FAM131C: variants seen among roughly 807,000 people sequenced by gnomAD.
FAM131C encodes protein FAM131C.
Under a neutral mutation model 29.8 loss-of-function variants are expected in FAM131C, and 14 were observed. The ratio of observed to expected loss-of-function variants is 0.47; its 90% CI spans 0.31 to 0.73. FAM131C has a LOEUF of 0.73. Ranked by LOEUF, FAM131C falls within the 30% of genes least tolerant of loss-of-function variation. The probability of loss-of-function intolerance (pLI) is 0.05; values close to 1 mark genes in which losing one functional copy is unlikely to be tolerated. For synonymous variants in FAM131C, 86 were observed against 157.8 expected (o/e 0.54, Z 3.41); for missense variants, 252 against 383.8 (o/e 0.66, Z 2.87).
At chr1:16,063,485 G>A (rs1480839783) in intron 2 of FAM131C, 36 bp downstream of exon 2, 11 of 1,509,498 alleles carry the variant, frequency 7.3e-6, no homozygotes, top group Non-Finnish European at 2.8e-6. Context: ...GGGAACCGGG[G>A]CGCAGGTAGC....
chr1:16,068,986 G>A (rs2023717193), intron 1 of FAM131C, among the ~76,000 whole-genome samples: 1 of 152,202 alleles, frequency 6.6e-6, no homozygotes, highest in African/African-American at 2.4e-5. Flanking sequence ...GTCAGGTACT[G>A]TCTGTCCTAG....
chr1:16,059,276 C>T (rs1390350277), intron 6 of FAM131C, among the ~76,000 whole-genome samples: 3 of 150,792 alleles, frequency 2.0e-5, no homozygotes, highest in African/African-American at 7.3e-5. Flanking sequence ...GGTAAGCGCT[C>T]GATTCCCGCC....
At chr1:16,058,982 TCCCCTC>T (rs2023541032) in intron 6 of FAM131C, among the ~76,000 whole-genome samples, 1 of 152,092 alleles carries the variant, frequency 6.6e-6, no homozygotes, top group African/African-American at 2.4e-5. Context: ...TGGGCCTCTG[TCCCCTC>T]CCCGTCCCTC....
chr1:16,066,757 T>C (rs1199512298), intron 1 of FAM131C, among the ~76,000 whole-genome samples: 2 of 152,324 alleles, frequency 1.3e-5, no homozygotes, highest in East Asian at 3.9e-4. Context: ...AAATTTTCTC[T>C]GTGTGTATTC....
intron 1 of FAM131C, among the ~76,000 whole-genome samples, chr1:16,071,874 C>T (rs2023753623): frequency 6.6e-6 from 1 of 152,212 alleles, no homozygotes; most frequent in Non-Finnish European, 1.5e-5. Context: ...GCTCAAAGGC[C>T]AGTCCTTCTG....
At chr1:16,072,856 T>C (rs564808454) in intron 1 of FAM131C, among the ~76,000 whole-genome samples, 1 of 151,282 alleles carries the variant, frequency 6.6e-6, no homozygotes, top group Admixed American at 6.6e-5. Flanking sequence ...TTCTGTCCCC[T>C]GTCCAAGGAT....
Position 16,058,372 on chromosome 1 carries a change from T to C in FAM131C, c.*65A>G. 1 of 1,404,278 alleles carries C rather than the reference T, an allele frequency of 7.1e-7. No individual in the cohort carries two copies. The highest frequency in any genetic ancestry group is 9.4e-7 in the Non-Finnish European group (1 of 1,062,752). The allele number at this position is 1,404,278 out of a possible 1,614,324, so 87.0% of individuals were successfully genotyped here. ...TGCCCTGGACCCCGGGGTCCAGATA[T>C]GCCTGGGCTGCCCACCAGGCGAGGT... On this transcript the variant is annotated 3_prime_UTR_variant, in exon 7 of 7. Transcript: ENST00000375662.
intron 3 of FAM131C, 32 bp downstream of exon 3, chr1:16,062,467 C>T (rs184646734): frequency 2.0e-5 from 31 of 1,544,898 alleles, no homozygotes; most frequent in African/African-American, 2.9e-5. Context: ...CAGCTGGGGC[C>T]GGCTAGAATG....
intron 1 of FAM131C, among the ~76,000 whole-genome samples, chr1:16,069,380 A>G (rs1048218559): frequency 6.6e-6 from 1 of 152,114 alleles, no homozygotes; most frequent in African/African-American, 2.4e-5. Flanking sequence ...CTTGGAAACT[A>G]TGGGTGGCTC....
rs550521905 is a variant in FAM131C at position 16,063,706 on chromosome 1, G to GC, written c.23-71dup. On this transcript the variant is annotated intron_variant, in intron 1 of 6. Transcript: ENST00000375662. Reference sequence around the variant, plus strand: ...CTCTTGCTTACAAAGCATGTTCAAGGCCCCCCCGTAAGGTGAGTATGGCCT... The same window carrying GC: ...CTCTTGCTTACAAAGCATGTTCAAGGCCCCCCCCGTAAGGTGAGTATGGCCT... 729 of 1,069,790 alleles carry GC rather than the reference G, an allele frequency of 6.8e-4. 9 individuals are homozygous for GC. In the South Asian group the frequency reaches 1.0e-2, roughly 15 times the overall value. The allele number at this position is 1,069,790 out of a possible 1,614,324, so 66.3% of individuals were successfully genotyped here.
chr1:16,071,761 G>A (rs1031829032), intron 1 of FAM131C, among the ~76,000 whole-genome samples: 1 of 152,196 alleles, frequency 6.6e-6, no homozygotes, highest in African/African-American at 2.4e-5. Context: ...GGTGGAGGGA[G>A]CCCCAGGTGT....
At position 16,058,440 on chromosome 1, in the gene FAM131C, G is replaced by C; in HGVS notation, c.840C>G (p.Asn280Lys). 1 of 1,467,842 alleles carries C rather than the reference G, an allele frequency of 6.8e-7. No individual in the cohort carries two copies. The highest frequency in any genetic ancestry group is 1.5e-5 in the South Asian group (1 of 68,948). The allele number at this position is 1,467,842 out of a possible 1,614,324, so 90.9% of individuals were successfully genotyped here. A position where few individuals can be genotyped will look rare whatever the true frequency, so the allele number is the denominator to read the frequency against. ...CTGGACCAGCACAGCCCCCACCTCA[G>C]TTATAGAACACCTCGTCCTCCTCCC... is the stretch of plus-strand genomic sequence containing the variant. Reference protein sequence around the residue: ...SLWEEDEVFYN With the variant: ...SLWEEDEVFYK The change falls in exon 7 of 7, where the codon AAC (asparagine) becomes AAG (lysine). Residue 280 changes from asparagine to lysine, a missense_variant. By Grantham distance (94) the Asn-to-Lys change is moderately conservative (BLOSUM62 0). This residue lies in a region of FAM131C where 42 missense variants were observed against 51.7 expected (regional missense o/e 0.81). Transcript: ENST00000375662.
intron 2 of FAM131C, among the ~76,000 whole-genome samples, chr1:16,063,208 T>C (rs56809328): frequency 0.11 from 15,852 of 150,284 alleles, 1,595 homozygotes; most frequent in African/African-American, 0.26. Context: ...ACATAACATA[T>C]ATAAAATTTG....
rs372657950 is a variant in FAM131C at position 16,060,011 on chromosome 1, C to T, written c.309G>A (p.Thr103=). 53 of 1,528,804 alleles carry T rather than the reference C, an allele frequency of 3.5e-5. No homozygotes were observed. Among genetic ancestry groups the T allele is most frequent in the Admixed American group, 7.5e-5 (4 of 53,242 alleles). 94.7% of individuals were successfully genotyped at this position (1,528,804 alleles called of 1,614,324 possible). A position where few individuals can be genotyped will look rare whatever the true frequency, so the allele number is the denominator to read the frequency against. ...GGGCCACGCGGCCTCGGGCCATGGC[C>T]GTGGGCTTTGTGATGTGGTCCTTGA... is the stretch of plus-strand genomic sequence containing the variant. The part of the protein sequence containing the change: ...QSIKDHITKP[T]AMARGRVAHL... Residue 103 remains threonine (T), a synonymous_variant, in exon 5 of 7, where the codon ACG becomes ACA. Coordinates refer to ENST00000375662, the MANE Select transcript of FAM131C (RefSeq NM_182623.3).
intron 1 of FAM131C, among the ~76,000 whole-genome samples, chr1:16,067,632 G>A (rs1298912875): frequency 1.3e-5 from 2 of 152,146 alleles, no homozygotes; most frequent in African/African-American, 4.8e-5. Context: ...TTCAACCAGA[G>A]CTTCTCCTCT....
intron 1 of FAM131C, among the ~76,000 whole-genome samples, chr1:16,070,656 AG>A (rs889234814): frequency 6.6e-5 from 10 of 152,370 alleles, no homozygotes; most frequent in African/African-American, 2.4e-4. Flanking sequence ...TAAAATTAAA[AG>A]TAAAAATGAG....
intron 1 of FAM131C, among the ~76,000 whole-genome samples, chr1:16,068,206 C>T (rs1441029173): frequency 6.6e-6 from 1 of 152,242 alleles, no homozygotes; most frequent in Admixed American, 6.5e-5. Flanking sequence ...CGTAAGCGGC[C>T]AAGGCATTCC....
At chr1:16,067,297 G>A (rs1210717235) in intron 1 of FAM131C, among the ~76,000 whole-genome samples, 3 of 152,136 alleles carry the variant, frequency 2.0e-5, no homozygotes, top group South Asian at 4.1e-4. Context: ...GCTGTTCTTC[G>A]CCCAGCTGGG....
At chr1:16,062,640 G>T in intron 2 of FAM131C, 106 bp from the exon 3 acceptor site, 3 of 1,494,934 alleles carry the variant, frequency 2.0e-6, no homozygotes, top group South Asian at 2.7e-5. Context: ...CCTTCTTCTG[G>T]TGCTGTGTGA....
Sources: allele counts gnomAD v4.1 joint callset (sites outside exome capture counted in the v4.1 genomes callset), GRCh38; gene constraint gnomAD v4.1.1; regional missense constraint gnomAD v4.1.1; transcripts MANE v1.5; gene names NCBI Gene and HGNC (gene_info 2026-07-23, HGNC 2026-07-21).